FBXL2: variants seen among roughly 807,000 people sequenced by gnomAD.
FBXL2 encodes F-box/LRR-repeat protein 2.
FBXL2 carries 38 observed loss-of-function variants against 69.2 expected under a neutral mutation model. The ratio of observed to expected loss-of-function variants is 0.55; its 90% CI spans 0.42 to 0.72. The LOEUF is 0.72. FBXL2 is among the 30% of genes least tolerant of loss of function. The probability of loss-of-function intolerance (pLI) is 0.00; values close to 1 mark genes in which losing one functional copy is unlikely to be tolerated. For synonymous variants in FBXL2, 192 were observed against 201.3 expected, an observed-to-expected ratio of 0.95 and a Z score of 0.39; for missense variants, 354 against 520.3, an observed-to-expected ratio of 0.68 and a Z score of 3.11.
chr3:33,293,651 TC>T (rs1476487385), intron 1 of FBXL2, among the ~76,000 whole-genome samples: 2 of 150,824 alleles, frequency 1.3e-5, no homozygotes, highest in Non-Finnish European at 3.0e-5. Context: ...TTTTTTTTTT[TC>T]CTGTATTGGG....
chr3:33,296,216 C>T (rs982659557), intron 1 of FBXL2, among the ~76,000 whole-genome samples: 1 of 152,122 alleles, frequency 6.6e-6, no homozygotes, highest in Non-Finnish European at 1.5e-5. Flanking sequence ...CAGGCATGCA[C>T]CATCATGCCC....
chr3:33,421,368 G>A, the FBXL2 span, among the ~76,000 whole-genome samples: 1 of 152,178 alleles, frequency 6.6e-6, no homozygotes, highest in South Asian at 2.1e-4. Flanking sequence ...CACCTCCCAG[G>A]TTCAAGTGAT....
intron 2 of FBXL2, among the ~76,000 whole-genome samples, chr3:33,302,078 G>C (rs1036115122): frequency 6.6e-6 from 1 of 152,024 alleles, no homozygotes; most frequent in Admixed American, 6.6e-5. Context: ...TTGGATGCCC[G>C]AATATTTAAT....
the FBXL2 span, among the ~76,000 whole-genome samples, chr3:33,417,451 A>C: frequency 6.6e-6 from 1 of 152,332 alleles, no homozygotes; most frequent in East Asian, 1.9e-4. Flanking sequence ...ACCCATATGT[A>C]GTATATATCA....
chr3:33,356,745 T>G (rs57100079), intron 2 of FBXL2, among the ~76,000 whole-genome samples: 10,728 of 152,254 alleles, frequency 0.07, 499 homozygotes, highest in South Asian at 0.11. Context: ...TAGCATTGAT[T>G]AGTGATTGAT....
intron 2 of FBXL2, among the ~76,000 whole-genome samples, chr3:33,320,792 T>G (rs1327652563): frequency 6.6e-6 from 1 of 152,054 alleles, no homozygotes; most frequent in African/African-American, 2.4e-5. Context: ...AAAGTATTTC[T>G]AAAACATGAC....
intron 2 of FBXL2, among the ~76,000 whole-genome samples, chr3:33,308,722 C>T (rs2036929558): frequency 6.6e-6 from 1 of 152,108 alleles, no homozygotes; most frequent in African/African-American, 2.4e-5. Context: ...GTGTTTAATG[C>T]TATATTATAA....
chr3:33,395,300 T>C (rs1032106317), intron 12 of FBXL2, among the ~76,000 whole-genome samples: 3 of 152,050 alleles, frequency 2.0e-5, no homozygotes, highest in Non-Finnish European at 4.4e-5. Context: ...TTAGGGCAAA[T>C]AACTGCATCT....
At chr3:33,372,130 G>A (rs3863985) in intron 5 of FBXL2, among the ~76,000 whole-genome samples, 53,581 of 151,950 alleles carry the variant, frequency 0.35, 10,173 homozygotes, top group East Asian at 0.57. Context: ...GAGTCTCACT[G>A]TGTTGCCTAG....
chr3:33,311,880 C>T (rs923694222), intron 2 of FBXL2, among the ~76,000 whole-genome samples: 6 of 152,142 alleles, frequency 3.9e-5, no homozygotes, highest in Non-Finnish European at 7.4e-5. Context: ...GCCTTGGCCT[C>T]CCAAAGTGCT....
chr3:33,292,075 C>T (rs570499126), intron 1 of FBXL2, among the ~76,000 whole-genome samples: 1 of 152,040 alleles, frequency 6.6e-6, no homozygotes, highest in Non-Finnish European at 1.5e-5. Flanking sequence ...CTATAATAAT[C>T]AATTTATTAA....
At chr3:33,303,570 C>G (rs1040964963) in intron 2 of FBXL2, among the ~76,000 whole-genome samples, 6 of 152,036 alleles carry the variant, frequency 3.9e-5, no homozygotes, top group African/African-American at 1.4e-4. Flanking sequence ...TGCCTCAGAG[C>G]CTTATTCCTA....
intron 11 of FBXL2, 96 bp downstream of exon 11, chr3:33,377,429 C>A: frequency 8.7e-7 from 1 of 1,148,056 alleles, no homozygotes; most frequent in Non-Finnish European, 1.3e-6. Flanking sequence ...AGACTACCTT[C>A]AGAAAAGACA....
At chr3:33,281,493 C>T (rs1018408390) in intron 1 of FBXL2, among the ~76,000 whole-genome samples, 2 of 152,014 alleles carry the variant, frequency 1.3e-5, no homozygotes, top group East Asian at 1.9e-4. Context: ...TGAATAGTGC[C>T]GCGGTAAACA....
intron 12 of FBXL2, chr3:33,400,970 A>G (rs753597983): frequency 1.3e-6 from 2 of 1,594,964 alleles, no homozygotes; most frequent in Non-Finnish European, 1.7e-6. Context: ...ACTTCACCAG[A>G]GGTCTGTGAA....
At position 33,402,725 on chromosome 3, in the gene FBXL2, G is replaced by A. The variant is rs1425239669; in HGVS notation, n.1215-509G>A. 4.5e-6 allele frequency: 5 copies of A among 1,099,308 alleles called. No homozygotes were observed. The African/African-American group carries it at 6.5e-5, about 14-fold the overall frequency. The allele number at this position is 1,099,308 out of a possible 1,614,324, so 68.1% of individuals were successfully genotyped here. A position where few individuals can be genotyped will look rare whatever the true frequency, so the allele number is the denominator to read the frequency against. The stretch of plus-strand genomic sequence containing the variant: ...GGTACAATACAAACAAAAGGCTGCT[G>A]TACATGGAGAGATGGGGAAATGAAG... On this transcript the variant is annotated intron_variant and non_coding_transcript_variant, in intron 12 of 12. Coordinates refer to the FBXL2 transcript ENST00000463736.
At chr3:33,296,872 C>T (rs571272344) in intron 1 of FBXL2, among the ~76,000 whole-genome samples, 14 of 152,232 alleles carry the variant, frequency 9.2e-5, no homozygotes, top group Non-Finnish European at 1.6e-4. Context: ...TTTAGTTAAT[C>T]TGGGTCCCTT....
At chr3:33,367,243 G>C (rs942239445) in intron 5 of FBXL2, among the ~76,000 whole-genome samples, 2 of 151,988 alleles carry the variant, frequency 1.3e-5, no homozygotes, top group African/African-American at 4.8e-5. Context: ...CACCATGCCT[G>C]GCTAATTTTA....
chr3:33,408,172 C>T (rs1048876176), downstream of FBXL2, among the ~76,000 whole-genome samples: 4 of 152,068 alleles, frequency 2.6e-5, no homozygotes, highest in Non-Finnish European at 4.4e-5. Context: ...TAGACAGACA[C>T]ACATTTTTAT....
Sources: allele counts gnomAD v4.1 joint callset (sites outside exome capture counted in the v4.1 genomes callset), GRCh38; gene constraint gnomAD v4.1.1; transcripts MANE v1.5; gene names NCBI Gene and HGNC (gene_info 2026-07-23, HGNC 2026-07-21).